The following SDCCAG8 variants were observed in gnomAD, a reference collection of about 807,000 sequenced individuals.
SDCCAG8 encodes SHH signaling and ciliogenesis regulator SDCCAG8.
SDCCAG8 carries 74 observed loss-of-function variants against 101.8 expected under a neutral mutation model. The ratio of observed to expected loss-of-function variants is 0.73; its 90% CI spans 0.60 to 0.88. The LOEUF is 0.88. Among genes scored for constraint, SDCCAG8 ranks in the 40% least tolerant of loss-of-function variants. The probability of loss-of-function intolerance (pLI) is 0.00; values close to 1 mark genes in which losing one functional copy is unlikely to be tolerated. For synonymous variants in SDCCAG8, 281 were observed against 292.9 expected, an observed-to-expected ratio of 0.96 and a Z score of 0.41; for missense variants, 787 against 822.6, an observed-to-expected ratio of 0.96 and a Z score of 0.53.
rs10579765 is a variant in SDCCAG8 at position 243,355,314 on chromosome 1, T to TTCTC, written c.1473+11009_1473+11012dup. On this transcript the variant is annotated intron_variant, in intron 12 of 17. Coordinates refer to ENST00000366541, the MANE Select transcript of SDCCAG8 (RefSeq NM_006642.5). ...TACTTACAACTGAAGTCCTGATACC[T>TTCTC]TCTCTCTCTCTCTCTCTCTCTCTCT... Among the ~76,000 whole-genome samples the TTCTC allele has an allele frequency of 1.5e-3, 221 of 147,672 alleles. 1 individual carries two copies. Among genetic ancestry groups the TTCTC allele is most frequent in the South Asian group, 2.8e-3 (13 of 4,574 alleles).
At chr1:243,301,576 A>G (rs556037292) in intron 6 of SDCCAG8, among the ~76,000 whole-genome samples, 1 of 152,340 alleles carries the variant, frequency 6.6e-6, no homozygotes, top group South Asian at 2.1e-4. Flanking sequence ...TTAATCCAAT[A>G]TAAGGACCAT....
chr1:243,379,311 G>T lies in SDCCAG8; in HGVS notation c.1616+448G>T, dbSNP rs1331493361. On this transcript the variant is annotated intron_variant, in intron 13 of 17. Coordinates refer to ENST00000366541, the MANE Select transcript of SDCCAG8 (RefSeq NM_006642.5). Reference sequence around the variant, plus strand: ...GGAACTGATACAAAATAAGGAATCTGCATCCTAAGGAGGTGTAAAATTTTG... The same window carrying T: ...GGAACTGATACAAAATAAGGAATCTTCATCCTAAGGAGGTGTAAAATTTTG... Among the ~76,000 whole-genome samples the T allele has an allele frequency of 2.0e-5, 3 of 152,158 alleles. No homozygotes were observed. In the East Asian group the frequency reaches 5.8e-4, roughly 29 times the overall value.
chr1:243,412,245 A>AT (rs2080234363), intron 13 of SDCCAG8, among the ~76,000 whole-genome samples: 1 of 151,868 alleles, frequency 6.6e-6, no homozygotes, highest in Non-Finnish European at 1.5e-5. Flanking sequence ...GCTTTTTATA[A>AT]TTTTTTCAAT....
chr1:243,455,839 C>T (rs1033137468), intron 16 of SDCCAG8, among the ~76,000 whole-genome samples: 3 of 152,180 alleles, frequency 2.0e-5, no homozygotes, highest in Non-Finnish European at 4.4e-5. Context: ...TTTATTAGAA[C>T]CCTCTGTGTG....
At chr1:243,278,659 C>T (rs533518845) in intron 4 of SDCCAG8, among the ~76,000 whole-genome samples, 13 of 152,172 alleles carry the variant, frequency 8.5e-5, no homozygotes, top group Admixed American at 4.6e-4. Context: ...TTATTAGTTC[C>T]AGCATTTTTT....
intron 16 of SDCCAG8, among the ~76,000 whole-genome samples, chr1:243,443,992 T>C (rs2082721509): frequency 6.6e-6 from 1 of 152,168 alleles, no homozygotes; most frequent in Non-Finnish European, 1.5e-5. Flanking sequence ...AACTTGAAAT[T>C]GATATAGACT....
chr1:243,304,810 A>G, intron 7 of SDCCAG8, 33 bp downstream of exon 7: 2 of 1,204,670 alleles, frequency 1.7e-6, no homozygotes, highest in Non-Finnish European at 2.5e-6. Flanking sequence ...TAGTCATACC[A>G]AAAGCATAAT....
chr1:243,405,692 T>C (rs1203030915), intron 13 of SDCCAG8, among the ~76,000 whole-genome samples: 1 of 152,286 alleles, frequency 6.6e-6, no homozygotes, highest in Admixed American at 6.5e-5. Flanking sequence ...ATGGCGAGAA[T>C]TCTGTGGATC....
At chr1:243,443,320 G>C (rs1165316959) in intron 16 of SDCCAG8, among the ~76,000 whole-genome samples, 4 of 152,228 alleles carry the variant, frequency 2.6e-5, no homozygotes, top group Non-Finnish European at 4.4e-5. Context: ...TATTGCCTTT[G>C]TACCAGTGTT....
At chr1:243,326,668 TA>T (rs1342935276) in intron 9 of SDCCAG8, among the ~76,000 whole-genome samples, 3 of 152,174 alleles carry the variant, frequency 2.0e-5, no homozygotes, top group Non-Finnish European at 4.4e-5. Flanking sequence ...GCTTTATTCA[TA>T]AAAATAAAAA....
chr1:243,271,555 T>G (rs1380709099), intron 3 of SDCCAG8, among the ~76,000 whole-genome samples: 1 of 152,016 alleles, frequency 6.6e-6, no homozygotes, highest in Admixed American at 6.6e-5. Context: ...ATTAATTAAT[T>G]TTTTTGAGAC....
At chr1:243,382,051 C>T (rs1320187431) in intron 13 of SDCCAG8, among the ~76,000 whole-genome samples, 2 of 152,022 alleles carry the variant, frequency 1.3e-5, no homozygotes, top group African/African-American at 4.8e-5. Flanking sequence ...GGTAGAGAGA[C>T]CAATATATAC....
intron 10 of SDCCAG8, among the ~76,000 whole-genome samples, chr1:243,332,544 T>TTATCA (rs1176004989): frequency 6.6e-6 from 1 of 151,958 alleles, no homozygotes; most frequent in East Asian, 1.9e-4. Flanking sequence ...CTGGAGGTGA[T>TTATCA]TATCACGGTC....
At chr1:243,461,407 C>T (rs1008266718) in intron 16 of SDCCAG8, among the ~76,000 whole-genome samples, 3 of 152,134 alleles carry the variant, frequency 2.0e-5, no homozygotes, top group Non-Finnish European at 4.4e-5. Context: ...CTCGAGGTCC[C>T]CATGAATTCT....
intron 13 of SDCCAG8, among the ~76,000 whole-genome samples, chr1:243,389,558 G>A (rs757780632): frequency 1.6e-4 from 24 of 152,086 alleles, no homozygotes; most frequent in Non-Finnish European, 2.9e-4. Flanking sequence ...ATTTTCAAGC[G>A]CATGATCAAT....
intron 13 of SDCCAG8, among the ~76,000 whole-genome samples, chr1:243,409,126 C>A (rs1245683320): frequency 6.6e-6 from 1 of 152,046 alleles, no homozygotes; most frequent in Admixed American, 6.6e-5. Context: ...CAAGGCAAAA[C>A]AAAACAAAAC....
chr1:243,498,985 A>G (rs1056142404), intron 17 of SDCCAG8, among the ~76,000 whole-genome samples: 4 of 152,224 alleles, frequency 2.6e-5, no homozygotes, highest in Non-Finnish European at 5.9e-5. Context: ...TCACCTTCCC[A>G]CACAGTGCAC....
chr1:243,390,300 C>A (rs1397256549), intron 13 of SDCCAG8, among the ~76,000 whole-genome samples: 1 of 152,204 alleles, frequency 6.6e-6, no homozygotes, highest in Non-Finnish European at 1.5e-5. Flanking sequence ...CAACCAACAT[C>A]TTCAAGGCTT....
At chr1:243,495,189 G>A (rs952066140) in intron 17 of SDCCAG8, among the ~76,000 whole-genome samples, 1 of 152,238 alleles carries the variant, frequency 6.6e-6, no homozygotes, top group African/African-American at 2.4e-5. Flanking sequence ...TGGCACCGCA[G>A]AGCCAGGGCC....
Sources: gnomAD v4.1 joint callset for allele counts (sites outside exome capture counted in the v4.1 genomes callset) on GRCh38, gnomAD v4.1.1 for gene constraint, MANE v1.5 for transcripts, NCBI Gene and HGNC (gene_info 2026-07-23, HGNC 2026-07-21) for gene names.